The following NPM2 variants were observed in gnomAD, a reference collection of about 807,000 sequenced individuals.
NPM2 encodes the protein nucleophosmin/nucleoplasmin 2.
A neutral mutation model predicts 32.0 loss-of-function variants in NPM2; 25 were observed. The observed-to-expected ratio is 0.78, with a 90% CI of 0.57 to 1.09. The LOEUF is 1.09. NPM2 is among the 50% of genes least tolerant of loss of function. NPM2 has a pLI of 0.00. For missense variants in NPM2, 282 were observed against 259.9 expected (o/e 1.08, Z -0.58); for synonymous variants, 111 against 94.2 (o/e 1.18, Z -1.04).
chr8:22,034,202 T>A lies in NPM2; in HGVS notation c.458T>A (p.Ile153Lys). 1 of 1,612,916 alleles carries A rather than the reference T, an allele frequency of 6.2e-7. No individual in the cohort carries two copies. The highest frequency in any genetic ancestry group is 8.5e-7 in the Non-Finnish European group (1 of 1,179,570). Reference sequence around the variant, plus strand: ...GATGATGAGGATGAGGATGCAGATATATCTCTGGAGGAGCAAAGCCCTGTC... The same window carrying A: ...GATGATGAGGATGAGGATGCAGATAAATCTCTGGAGGAGCAAAGCCCTGTC... ...EEDDEDEDADISLEEQSPVKQ... is the reference protein window; with the variant it reads ...EEDDEDEDADKSLEEQSPVKQ... Residue 153 changes from isoleucine (I) to lysine (K), a missense_variant, in exon 7 of 10, where the codon ATA (isoleucine) becomes AAA (lysine). Coordinates refer to ENST00000518119, the MANE Select transcript of NPM2 (RefSeq NM_001286680.2).
chr8:22,029,657 T>C (rs1263207893), intron 5 of NPM2, among the ~76,000 whole-genome samples: 1 of 152,246 alleles, frequency 6.6e-6, no homozygotes, highest in East Asian at 1.9e-4. Flanking sequence ...CAACATACTT[T>C]AGTAAGCCTG....
chr8:22,029,868 G>T (rs1490436223), intron 5 of NPM2, among the ~76,000 whole-genome samples: 1 of 152,086 alleles, frequency 6.6e-6, no homozygotes, highest in Non-Finnish European at 1.5e-5. Context: ...TTCCTCTCTG[G>T]CTTATTTTAA....
Position 22,034,152 on chromosome 8 carries a change from G to A in NPM2, c.408G>A (p.Gly136=), listed in dbSNP as rs771200852. ...GGGAGGAGGAGGAGGAAGAAGAAGG[G>A]GAGGAGGAGGAAGAGGAAGAGGAAG... The part of the protein sequence containing the change: ...LTWEEEEEEE[G]EEEEEEEEDD... Residue 136 remains glycine (G), a synonymous_variant, in exon 7 of 10, where the codon GGG becomes GGA. Transcript: ENST00000518119. 1 of 1,610,852 alleles carries A rather than the reference G, an allele frequency of 6.2e-7. No individual in the cohort carries two copies. The highest frequency in any genetic ancestry group is 8.5e-7 in the Non-Finnish European group (1 of 1,178,464).
intron 5 of NPM2, among the ~76,000 whole-genome samples, chr8:22,032,032 G>A (rs1297557284): frequency 6.6e-6 from 1 of 152,142 alleles, no homozygotes; most frequent in Non-Finnish European, 1.5e-5. Flanking sequence ...TGAACTTAGA[G>A]TTTAGAAGCT....
rs546883458 is a variant in NPM2 at position 22,028,684 on chromosome 8, T to G, written c.270+2912T>G. ...CATGTGGCTTCTCTGCTAGAATAGT[T>G]AGGTCATGGCTCTCTCTCATTTGGA... is the stretch of plus-strand genomic sequence containing the variant. On this transcript the variant is annotated intron_variant, in intron 5 of 9. Transcript: ENST00000518119. 1.5e-4 allele frequency among the ~76,000 whole-genome samples: 23 copies of G among 152,266 alleles called. 1 individual carries two copies. In the South Asian group the frequency reaches 4.8e-3, roughly 32 times the overall value.
chr8:22,030,472 T>C (rs1229774595), intron 5 of NPM2, among the ~76,000 whole-genome samples: 1 of 151,998 alleles, frequency 6.6e-6, no homozygotes, highest in African/African-American at 2.4e-5. Context: ...ATTTCTGACT[T>C]CAAGCACTCC....
At position 22,024,155 on chromosome 8, in the gene NPM2, C is replaced by A. The variant is rs1800148367; in HGVS notation, c.-609C>A. ...CCTCAGTGTGCTCCCCGCCCCCTGC[C>A]GCGGCGCCTCGCCTCCCGGCTCACC... On this transcript the variant is annotated 5_prime_UTR_variant, in exon 1 of 10. Transcript: ENST00000518119. 6.5e-6 allele frequency: 1 copy of A among 152,866 alleles called. No individual in the cohort carries two copies. Among genetic ancestry groups the A allele is most frequent in the South Asian group, 1.9e-4 (1 of 5,170 alleles). 9.5% of individuals were successfully genotyped at this position (152,866 alleles called of 1,614,324 possible). A position where few individuals can be genotyped will look rare whatever the true frequency, so the allele number is the denominator to read the frequency against.
chr8:22,026,017 G>C (rs1235254318), intron 5 of NPM2, among the ~76,000 whole-genome samples: 1 of 152,162 alleles, frequency 6.6e-6, no homozygotes, highest in Non-Finnish European at 1.5e-5. Flanking sequence ...GCCGGGTCAA[G>C]GACCAGAACT....
At chr8:22,036,114 T>A (rs1800611612) in intron 8 of NPM2, among the ~76,000 whole-genome samples, 1 of 152,030 alleles carries the variant, frequency 6.6e-6, no homozygotes. Flanking sequence ...CCAGGTGTGG[T>A]GGTGCACACC....
chr8:22,030,467 T>G (rs1196392428), intron 5 of NPM2, among the ~76,000 whole-genome samples: 1 of 152,064 alleles, frequency 6.6e-6, no homozygotes, highest in Non-Finnish European at 1.5e-5. Flanking sequence ...TTCTAATTTC[T>G]GACTTCAAGC....
intron 5 of NPM2, 117 bp from the exon 6 acceptor site, chr8:22,033,013 G>A: frequency 4.0e-6 from 3 of 743,572 alleles, no homozygotes; most frequent in Non-Finnish European, 7.3e-6. Context: ...CTCAGCAGGG[G>A]CTGAGTAGTG....
rs765785455 is a variant in NPM2, at chr8:22,034,279, G to A, written c.531+4G>A. 1 of 1,581,646 alleles carries A rather than the reference G, an allele frequency of 6.3e-7. No homozygotes were observed. The highest frequency in any genetic ancestry group is 2.2e-5 in the East Asian group (1 of 44,614). ...GAAGCAGGCGAGCGTGGCTAAGGTG[G>A]GGGAAGGAGCGTGGCTGTTTGGAAG... is the stretch of plus-strand genomic sequence containing the variant. On this transcript the variant is annotated splice_donor_region_variant and intron_variant, in intron 7 of 9. Transcript: ENST00000518119.
chr8:22,025,889 A>G (rs765267999), intron 5 of NPM2, 117 bp downstream of exon 5: 8 of 1,436,820 alleles, frequency 5.6e-6, no homozygotes, highest in East Asian at 2.3e-5. Flanking sequence ...CTAGGGAGGT[A>G]GCACAGCCCA....
chr8:22,034,564 A>G lies in NPM2; in HGVS notation c.566+20A>G. 1 of 1,592,804 alleles carries G rather than the reference A, an allele frequency of 6.3e-7. No individual in the cohort carries two copies. The highest frequency in any genetic ancestry group is 1.7e-5 in the Admixed American group (1 of 58,794). On this transcript the variant is annotated intron_variant, in intron 8 of 9. Coordinates refer to ENST00000518119, the MANE Select transcript of NPM2 (RefSeq NM_001286680.2). The stretch of plus-strand genomic sequence containing the variant: ...AATAAGGTAACTCTTTCTACCTATT[A>G]AATTAGCCAAAGTCTCCAGCTGAGA...
rs148746215 is a variant in NPM2 at position 22,028,544 on chromosome 8, G to A, written c.270+2772G>A. On this transcript the variant is annotated intron_variant, in intron 5 of 9. Transcript: ENST00000518119. ...GGGGTTTCACCATGTTGGCCAGGCTGGTCTTGAACTTCTGACTTCAAGTGA... is the reference window on the plus strand; with the variant it reads ...GGGGTTTCACCATGTTGGCCAGGCTAGTCTTGAACTTCTGACTTCAAGTGA... 5.6e-3 allele frequency among the ~76,000 whole-genome samples: 833 copies of A among 149,562 alleles called. 6 individuals carry two copies. The highest frequency in any genetic ancestry group is 0.02 in the African/African-American group (790 of 40,494).
intron 5 of NPM2, among the ~76,000 whole-genome samples, chr8:22,032,690 G>A (rs571652779): frequency 1.1e-4 from 17 of 152,272 alleles, no homozygotes; most frequent in East Asian, 1.9e-4. Context: ...ATGTGTTCAC[G>A]TGTGGGGCAG....
At chr8:22,036,575 T>C in intron 9 of NPM2, 49 bp downstream of exon 9, 1 of 1,565,340 alleles carries the variant, frequency 6.4e-7, no homozygotes, top group Non-Finnish European at 8.7e-7. Flanking sequence ...GAGTATTCTC[T>C]GGAGGGGGCT....
At chr8:22,031,569 CT>C (rs1800441577) in intron 5 of NPM2, among the ~76,000 whole-genome samples, 1 of 152,236 alleles carries the variant, frequency 6.6e-6, no homozygotes, top group African/African-American at 2.4e-5. Context: ...CCTCAGCCCC[CT>C]GAGTAGCTGG....
intron 5 of NPM2, among the ~76,000 whole-genome samples, chr8:22,029,014 T>C (rs929781911): frequency 6.6e-6 from 1 of 151,040 alleles, no homozygotes. Flanking sequence ...TTGGAAGTTA[T>C]AGAATCTCAT....
Sources: allele counts gnomAD v4.1 joint callset (sites outside exome capture counted in the v4.1 genomes callset), GRCh38; gene constraint gnomAD v4.1.1; transcripts MANE v1.5; gene names NCBI Gene and HGNC (gene_info 2026-07-23, HGNC 2026-07-21).